RASAL2: variants seen among roughly 807,000 people sequenced by gnomAD.
RASAL2 encodes the protein ras GTPase-activating protein nGAP.
A neutral mutation model predicts 128.9 loss-of-function variants in RASAL2; 58 were observed. That is an observed-to-expected ratio of 0.45 (90% confidence interval 0.36 to 0.56). RASAL2 has a LOEUF of 0.56. Among genes scored for constraint, RASAL2 ranks in the 20% least tolerant of loss-of-function variants. The pLI is 0.00. For synonymous variants in RASAL2, 561 were observed against 580.8 expected, an observed-to-expected ratio of 0.97 and a Z score of 0.49; for missense variants, 1,360 against 1,601.6, an observed-to-expected ratio of 0.85 and a Z score of 2.57.
At chr1:178,327,498 A>G (rs1423595850) in intron 3 of RASAL2, among the ~76,000 whole-genome samples, 3 of 152,146 alleles carry the variant, frequency 2.0e-5, no homozygotes, top group South Asian at 2.1e-4. Context: ...GGCACATACC[A>G]TCACACCTAG....
intron 1 of RASAL2, among the ~76,000 whole-genome samples, chr1:178,113,864 G>C (rs1297728304): frequency 6.6e-6 from 1 of 152,042 alleles, no homozygotes; most frequent in Non-Finnish European, 1.5e-5. Context: ...TTACTACAAA[G>C]ATTTCAGTAT....
intron 3 of RASAL2, among the ~76,000 whole-genome samples, chr1:178,377,228 A>G (rs1318192306): frequency 6.6e-6 from 1 of 152,124 alleles, no homozygotes; most frequent in East Asian, 1.9e-4. Flanking sequence ...CTGATTCCCA[A>G]AATTTACACC....
At chr1:178,408,977 G>C (rs1674178795) in intron 4 of RASAL2, among the ~76,000 whole-genome samples, 1 of 151,972 alleles carries the variant, frequency 6.6e-6, no homozygotes, top group Non-Finnish European at 1.5e-5. Flanking sequence ...TGAAGAGAGA[G>C]GTTTGACTCA....
chr1:178,456,890 C>A lies in RASAL2; in HGVS notation c.2381C>A (p.Pro794His). Residue 794 changes from proline to histidine, a missense_variant, in exon 13 of 18, where the codon CCC becomes CAC. This residue lies in a region of RASAL2 where 741 missense variants were observed against 868.6 expected (regional missense o/e 0.85). Transcript: ENST00000367649. Reference sequence around the variant, plus strand: ...GGGCTGCAGAAAATATTTGAAGACCCCACTGACAGGTATGAAAGAGAGAAT... The same window carrying A: ...GGGCTGCAGAAAATATTTGAAGACCACACTGACAGGTATGAAAGAGAGAAT... ...SSGLQKIFED[P>H]TDSDLHKLKS... 1 of 1,613,656 alleles carries A rather than the reference C, an allele frequency of 6.2e-7. No homozygotes were observed. Among genetic ancestry groups the A allele is most frequent in the Non-Finnish European group, 8.5e-7 (1 of 1,179,814 alleles).
rs576744413 is a variant in RASAL2 at position 178,367,063 on chromosome 1, A to G, written c.458-23037A>G. On this transcript the variant is annotated intron_variant, in intron 3 of 17. Transcript: ENST00000367649. ...AAAGGATGAATTTTATAGTATGTGA[A>G]TTATATTTCAATAAAGCTCTTATTT... 2.6e-5 allele frequency among the ~76,000 whole-genome samples: 4 copies of G among 152,314 alleles called. No homozygotes were observed. The South Asian group carries it at 6.2e-4, about 24-fold the overall frequency.
intron 3 of RASAL2, among the ~76,000 whole-genome samples, chr1:178,346,218 A>G (rs1376581813): frequency 6.6e-6 from 1 of 152,060 alleles, no homozygotes; most frequent in Non-Finnish European, 1.5e-5. Context: ...GCCTGGCAAC[A>G]TAGTGAGACC....
intron 5 of RASAL2, among the ~76,000 whole-genome samples, chr1:178,422,023 G>A (rs990735970): frequency 1.3e-5 from 2 of 151,346 alleles, no homozygotes; most frequent in African/African-American, 2.4e-5. Flanking sequence ...TCAGATTATC[G>A]ATTCTTAAGA....
intron 1 of RASAL2, among the ~76,000 whole-genome samples, chr1:178,114,646 C>T (rs1659459464): frequency 6.6e-6 from 1 of 152,004 alleles, no homozygotes; most frequent in Admixed American, 6.6e-5. Flanking sequence ...CTCAGCCTCC[C>T]TAGTAGCTGG....
chr1:178,466,757 T>G (rs1405473206), intron 16 of RASAL2, among the ~76,000 whole-genome samples: 1 of 152,230 alleles, frequency 6.6e-6, no homozygotes, highest in Non-Finnish European at 1.5e-5. Context: ...TCCATGCTCA[T>G]AACCTCTATG....
At chr1:178,323,528 T>C (rs1668892904) in intron 3 of RASAL2, among the ~76,000 whole-genome samples, 1 of 152,174 alleles carries the variant, frequency 6.6e-6, no homozygotes, top group Non-Finnish European at 1.5e-5. Flanking sequence ...ATCACAACTA[T>C]TGGTTTTGAT....
At chr1:178,447,837 G>A (rs1219178912) in intron 9 of RASAL2, among the ~76,000 whole-genome samples, 1 of 152,068 alleles carries the variant, frequency 6.6e-6, no homozygotes, top group African/African-American at 2.4e-5. Flanking sequence ...GGGAAGCAAG[G>A]AGGGAACGAA....
intron 1 of RASAL2, among the ~76,000 whole-genome samples, chr1:178,270,776 G>A (rs1571749740): frequency 6.6e-6 from 1 of 152,090 alleles, no homozygotes; most frequent in East Asian, 1.9e-4. Context: ...CATTTTAAGG[G>A]CTTTACTATA....
intron 1 of RASAL2, among the ~76,000 whole-genome samples, chr1:178,162,571 AATATATATAAT>A (rs1443584720): frequency 7.9e-6 from 1 of 126,710 alleles, no homozygotes; most frequent in Non-Finnish European, 1.7e-5. Flanking sequence ...CTTTATATAA[AATATATATAAT>A]ATATATTTTA....
intron 1 of RASAL2, among the ~76,000 whole-genome samples, chr1:178,215,794 A>T (rs548947626): frequency 1.3e-5 from 2 of 152,292 alleles, no homozygotes; most frequent in East Asian, 3.9e-4. Flanking sequence ...GACACAAAGA[A>T]TTATCACTGA....
At chr1:178,204,948 G>T (rs1039496949) in intron 1 of RASAL2, among the ~76,000 whole-genome samples, 10 of 152,160 alleles carry the variant, frequency 6.6e-5, no homozygotes, top group Non-Finnish European at 4.4e-5. Flanking sequence ...ATAAAAAAGA[G>T]AAAAGAATTA....
intron 1 of RASAL2, among the ~76,000 whole-genome samples, chr1:178,219,513 C>T (rs1405808726): frequency 5.9e-5 from 9 of 151,702 alleles, no homozygotes; most frequent in South Asian, 4.2e-4. Context: ...TGGTGGTGCA[C>T]GCACATAGTC....
chr1:178,459,050 ATAAACACT>A (rs1677989464), intron 14 of RASAL2, among the ~76,000 whole-genome samples: 1 of 152,184 alleles, frequency 6.6e-6, no homozygotes, highest in African/African-American at 2.4e-5. Flanking sequence ...AGCTAGAAAA[ATAAACACT>A]TGAACACCTG....
At chr1:178,229,371 C>A (rs565640322) in intron 1 of RASAL2, among the ~76,000 whole-genome samples, 3 of 152,242 alleles carry the variant, frequency 2.0e-5, no homozygotes, top group African/African-American at 7.2e-5. Context: ...TCATGCATTG[C>A]TTTAAATTGT....
intron 3 of RASAL2, 90 bp downstream of exon 3, chr1:178,300,208 C>A: frequency 1.5e-6 from 2 of 1,372,470 alleles, no homozygotes; most frequent in Non-Finnish European, 2.0e-6. Context: ...TCCTGCATTT[C>A]CTGTTAAGTA....
Sources: gnomAD v4.1 joint callset for allele counts (sites outside exome capture counted in the v4.1 genomes callset) on GRCh38, gnomAD v4.1.1 for gene constraint, gnomAD v4.1.1 regional missense constraint, MANE v1.5 for transcripts, NCBI Gene and HGNC (gene_info 2026-07-23, HGNC 2026-07-21) for gene names.